PLEK: variants seen among roughly 807,000 people sequenced by gnomAD.
The protein encoded by PLEK is platelet 47 kDa protein.
Under a neutral mutation model 43.9 loss-of-function variants are expected in PLEK, and 25 were observed. The observed-to-expected ratio is 0.57, with a 90% CI of 0.41 to 0.79. PLEK has a LOEUF of 0.79. Among genes scored for constraint, PLEK ranks in the 30% least tolerant of loss-of-function variants. The pLI is 0.00. For missense variants in PLEK, 396 were observed against 413.3 expected, an observed-to-expected ratio of 0.96 and a Z score of 0.36; for synonymous variants, 152 against 144.4, an observed-to-expected ratio of 1.05 and a Z score of -0.38.
At chr2:68,374,767 T>C (rs1388951878) in intron 1 of PLEK, among the ~76,000 whole-genome samples, 1 of 152,184 alleles carries the variant, frequency 6.6e-6, no homozygotes, top group Non-Finnish European at 1.5e-5. Flanking sequence ...TCTAAGCACA[T>C]GTTTTGCCTG....
rs1255092467 is a variant in PLEK, at chr2:68,365,309, G to T, written c.-43G>T. ...GCAGAGGAGGCCCAGCTGCTGAGAG[G>T]AGTTGCCTGAGAGTGACCTTTGCAT... On this transcript the variant is annotated 5_prime_UTR_variant, in exon 1 of 9. Coordinates refer to ENST00000234313, the MANE Select transcript of PLEK (RefSeq NM_002664.3). 1 of 1,589,656 alleles carries T rather than the reference G, an allele frequency of 6.3e-7. No individual in the cohort carries two copies. The highest frequency in any genetic ancestry group is 1.7e-5 in the Admixed American group (1 of 59,924).
chr2:68,385,624 C>T (rs558318667), intron 4 of PLEK, among the ~76,000 whole-genome samples: 2 of 152,038 alleles, frequency 1.3e-5, no homozygotes, highest in Non-Finnish European at 2.9e-5. Flanking sequence ...CATGGGGCTG[C>T]TTTATGCCTG....
intron 4 of PLEK, among the ~76,000 whole-genome samples, chr2:68,384,574 A>G (rs1479775001): frequency 4.6e-5 from 7 of 152,068 alleles, no homozygotes; most frequent in Non-Finnish European, 1.0e-4. Context: ...GGACATTTCT[A>G]TGGGTAGAGC....
chr2:68,380,494 A>C lies in PLEK; in HGVS notation c.198+11A>C. 1 of 1,612,362 alleles carries C rather than the reference A, an allele frequency of 6.2e-7. No homozygotes were observed. Among genetic ancestry groups the C allele is most frequent in the Non-Finnish European group, 8.5e-7 (1 of 1,178,838 alleles). ...TTTGGCAAAAGGATGGTAAGTTGAC[A>C]TCATGAGCTGCCGTGAACCCCTGGT... On this transcript the variant is annotated intron_variant, in intron 2 of 8. Coordinates refer to ENST00000234313, the MANE Select transcript of PLEK (RefSeq NM_002664.3).
chr2:68,394,267 A>C, intron 8 of PLEK, 91 bp downstream of exon 8: 5 of 813,772 alleles, frequency 6.1e-6, no homozygotes, highest in Non-Finnish European at 8.8e-6. Flanking sequence ...CAATCAATCA[A>C]TTAATCAGGA....
intron 5 of PLEK, 102 bp from the exon 6 acceptor site, chr2:68,388,285 G>C (rs1303588478): frequency 7.1e-6 from 5 of 707,482 alleles, no homozygotes; most frequent in Non-Finnish European, 1.3e-5. Context: ...GGAAAAAGGA[G>C]GAGGCTGCCC....
At chr2:68,378,310 A>T (rs1673545127) in intron 1 of PLEK, among the ~76,000 whole-genome samples, 1 of 152,190 alleles carries the variant, frequency 6.6e-6, no homozygotes, top group East Asian at 1.9e-4. Flanking sequence ...TTTGACCCCA[A>T]ATCATAGCAT....
At chr2:68,386,891 C>T (rs1479141322) in intron 5 of PLEK, among the ~76,000 whole-genome samples, 2 of 152,086 alleles carry the variant, frequency 1.3e-5, no homozygotes, top group Admixed American at 6.5e-5. Flanking sequence ...CAGCTGCCCT[C>T]TCTACAACAC....
intron 7 of PLEK, among the ~76,000 whole-genome samples, chr2:68,393,709 C>T (rs891889846): frequency 6.6e-6 from 1 of 152,158 alleles, no homozygotes; most frequent in Middle Eastern, 3.2e-3. Flanking sequence ...GTAGGGTGCT[C>T]ACCCTCCGCT....
intron 1 of PLEK, among the ~76,000 whole-genome samples, chr2:68,368,713 A>G (rs1337058451): frequency 3.3e-5 from 5 of 152,246 alleles, no homozygotes; most frequent in Non-Finnish European, 7.3e-5. Flanking sequence ...GGAAAAAATG[A>G]GAGAAGAGCA....
At chr2:68,389,869 T>G (rs550250845) in intron 6 of PLEK, among the ~76,000 whole-genome samples, 3 of 152,282 alleles carry the variant, frequency 2.0e-5, no homozygotes, top group African/African-American at 7.2e-5. Context: ...GGCTCTTTGA[T>G]TGCAGGTGCT....
At chr2:68,377,448 T>G (rs1193268670) in intron 1 of PLEK, among the ~76,000 whole-genome samples, 1 of 152,232 alleles carries the variant, frequency 6.6e-6, no homozygotes, top group Admixed American at 6.5e-5. Flanking sequence ...GCCTGTTTTT[T>G]GGTTAAAAGC....
Position 68,395,705 on chromosome 2 carries a change from T to C in PLEK, c.942T>C (p.Leu314=). The change falls in exon 9 of 9, where the codon CTT becomes CTC. Residue 314 remains leucine (L), a synonymous_variant. Transcript: ENST00000234313. ...GCAGGAAGAGTGAGGAAGAGAACCTTTTTGAGATCATCACAGCAGATGAAG... is the reference window on the plus strand; with the variant it reads ...GCAGGAAGAGTGAGGAAGAGAACCTCTTTGAGATCATCACAGCAGATGAAG... The part of the protein sequence containing the change: ...SNGRKSEEEN[L]FEIITADEVH... 1 of 1,613,978 alleles carries C rather than the reference T, an allele frequency of 6.2e-7. No homozygotes were observed. The highest frequency in any genetic ancestry group is 8.5e-7 in the Non-Finnish European group (1 of 1,179,956).
At chr2:68,381,595 T>G (rs1389883560) in intron 3 of PLEK, among the ~76,000 whole-genome samples, 1 of 152,192 alleles carries the variant, frequency 6.6e-6, no homozygotes, top group Non-Finnish European at 1.5e-5. Context: ...GGAGCCCTGT[T>G]GAGAAGAATC....
intron 1 of PLEK, among the ~76,000 whole-genome samples, chr2:68,371,010 G>A (rs1673388446): frequency 6.6e-6 from 1 of 152,006 alleles, no homozygotes; most frequent in Admixed American, 6.6e-5. Context: ...TTATTTTTTG[G>A]CTTTCAAGCA....
intron 8 of PLEK, 146 bp downstream of exon 8, chr2:68,394,322 G>A (rs1391102389): frequency 3.2e-5 from 21 of 658,982 alleles, no homozygotes; most frequent in Non-Finnish European, 4.5e-5. Flanking sequence ...CTGTAATCCC[G>A]GCACTTTGGG....
At chr2:68,388,156 C>G (rs1215832101) in intron 5 of PLEK, 5 of 437,552 alleles carry the variant, frequency 1.1e-5, no homozygotes, top group Non-Finnish European at 2.1e-5. Context: ...AGGATATTGA[C>G]AAGATCACAC....
intron 4 of PLEK, among the ~76,000 whole-genome samples, chr2:68,384,663 G>T (rs1673700594): frequency 6.6e-6 from 1 of 152,178 alleles, no homozygotes. Context: ...ACTGACACAT[G>T]ATGGAAGACC....
At position 68,382,537 on chromosome 2, in the gene PLEK, T is replaced by C; in HGVS notation, c.381-5T>C. 6.6e-6 allele frequency: 10 copies of C among 1,517,332 alleles called. No homozygotes were observed. The highest frequency in any genetic ancestry group is 3.4e-5 in the South Asian group (3 of 88,942). The allele number at this position is 1,517,332 out of a possible 1,614,324, so 94.0% of individuals were successfully genotyped here. A position where few individuals can be genotyped will look rare whatever the true frequency, so the allele number is the denominator to read the frequency against. ...TTGTTTGTTTGCTTTTTTATCTCTG[T>C]GCAGTGCCTTATATTTGTCCATGAA... is the stretch of plus-strand genomic sequence containing the variant. On this transcript the variant is annotated splice_polypyrimidine_tract_variant and splice_region_variant and intron_variant, in intron 3 of 8. Transcript: ENST00000234313.
Sources: allele counts gnomAD v4.1 joint callset (sites outside exome capture counted in the v4.1 genomes callset), GRCh38; gene constraint gnomAD v4.1.1; transcripts MANE v1.5; gene names NCBI Gene and HGNC (gene_info 2026-07-23, HGNC 2026-07-21).